SH3GL2: variants seen among roughly 807,000 people sequenced by gnomAD.
SH3GL2 encodes SH3 domain containing GRB2 like 2, endophilin A1.
Under a neutral mutation model 46.0 loss-of-function variants are expected in SH3GL2, and 24 were observed. That is an observed-to-expected ratio of 0.52 (90% CI 0.38 to 0.73). SH3GL2 has a LOEUF of 0.73. Ranked by LOEUF, SH3GL2 falls within the 30% of genes least tolerant of loss-of-function variation. The probability of loss-of-function intolerance (pLI) is 0.00; values close to 1 mark genes in which losing one functional copy is unlikely to be tolerated. For synonymous variants in SH3GL2, 196 were observed against 147.1 expected, an observed-to-expected ratio of 1.33 and a Z score of -2.40; for missense variants, 413 against 424.2, an observed-to-expected ratio of 0.97 and a Z score of 0.23.
At chr9:17,644,220 C>G (rs1819752259) in intron 1 of SH3GL2, among the ~76,000 whole-genome samples, 1 of 151,618 alleles carries the variant, frequency 6.6e-6, no homozygotes, top group African/African-American at 2.4e-5. Flanking sequence ...TTTGATTCTT[C>G]TCTCTTTTCT....
At chr9:17,694,664 T>C (rs1821160912) in intron 1 of SH3GL2, among the ~76,000 whole-genome samples, 1 of 152,170 alleles carries the variant, frequency 6.6e-6, no homozygotes. Context: ...AGGGTATGAA[T>C]GTTGGAAATG....
intron 1 of SH3GL2, among the ~76,000 whole-genome samples, chr9:17,646,675 C>T (rs1158504265): frequency 1.3e-5 from 2 of 152,102 alleles, no homozygotes; most frequent in Admixed American, 1.3e-4. Flanking sequence ...CACTCCAGGC[C>T]CTGTTTGCCT....
At chr9:17,708,252 C>A (rs2118250761) in intron 1 of SH3GL2, among the ~76,000 whole-genome samples, 1 of 152,046 alleles carries the variant, frequency 6.6e-6, no homozygotes, top group East Asian at 1.9e-4. Context: ...TCATTTTTCC[C>A]TTCATTTTTC....
intron 1 of SH3GL2, among the ~76,000 whole-genome samples, chr9:17,696,803 CCCTT>C (rs1446440391): frequency 2.0e-5 from 3 of 152,098 alleles, no homozygotes; most frequent in Non-Finnish European, 4.4e-5. Context: ...TTTGGATTAT[CCCTT>C]CCTTTTTTCG....
At chr9:17,766,329 A>G (rs903580809) in intron 3 of SH3GL2, among the ~76,000 whole-genome samples, 3 of 152,250 alleles carry the variant, frequency 2.0e-5, no homozygotes, top group Non-Finnish European at 4.4e-5. Flanking sequence ...ACCAGTACAC[A>G]TTCCTAAAAT....
intron 1 of SH3GL2, among the ~76,000 whole-genome samples, chr9:17,691,928 A>G (rs929995794): frequency 1.3e-5 from 2 of 152,134 alleles, no homozygotes; most frequent in Admixed American, 1.3e-4. Context: ...TTTTCAGCCA[A>G]CAGAAGAAAT....
intron 3 of SH3GL2, among the ~76,000 whole-genome samples, chr9:17,772,089 T>A: frequency 6.6e-6 from 1 of 152,170 alleles, no homozygotes; most frequent in East Asian, 1.9e-4. Context: ...GGGCCACGTT[T>A]CAGACTTGTA....
intron 1 of SH3GL2, among the ~76,000 whole-genome samples, chr9:17,654,194 C>CCACTGACCA (rs768079505): frequency 7.2e-4 from 109 of 152,256 alleles, no homozygotes; most frequent in Non-Finnish European, 1.1e-3. Flanking sequence ...TTTGGCTGCT[C>CCACTGACCA]CTGTTTCTCT....
chr9:17,751,524 G>T (rs926936922), intron 2 of SH3GL2, among the ~76,000 whole-genome samples: 5 of 147,974 alleles, frequency 3.4e-5, no homozygotes, highest in Admixed American at 1.3e-4. Context: ...CCTCAGCAAT[G>T]ACTGAATTCC....
At chr9:17,683,581 C>T (rs1415395817) in intron 1 of SH3GL2, among the ~76,000 whole-genome samples, 2 of 151,998 alleles carry the variant, frequency 1.3e-5, no homozygotes, top group African/African-American at 4.8e-5. Context: ...TCACTTGGAA[C>T]GTCCTACCCC....
intron 1 of SH3GL2, among the ~76,000 whole-genome samples, chr9:17,673,965 C>A (rs542607774): frequency 1.3e-5 from 2 of 152,242 alleles, no homozygotes; most frequent in African/African-American, 4.8e-5. Flanking sequence ...TTATTGAATT[C>A]ATCTTTAAGC....
At chr9:17,753,474 T>C (rs1048348306) in intron 2 of SH3GL2, among the ~76,000 whole-genome samples, 1 of 152,250 alleles carries the variant, frequency 6.6e-6, no homozygotes, top group African/African-American at 2.4e-5. Context: ...ATAAATGTCT[T>C]CTTTTGAAAA....
intron 3 of SH3GL2, among the ~76,000 whole-genome samples, 156 bp from the exon 4 acceptor site, chr9:17,786,224 GA>G (rs1404337436): frequency 1.3e-5 from 2 of 152,166 alleles, no homozygotes; most frequent in Non-Finnish European, 2.9e-5. Flanking sequence ...TGGTTGATAA[GA>G]CTGACTGACG....
intron 1 of SH3GL2, among the ~76,000 whole-genome samples, chr9:17,718,114 A>T (rs1821804819): frequency 6.6e-6 from 1 of 152,136 alleles, no homozygotes; most frequent in Non-Finnish European, 1.5e-5. Flanking sequence ...TGCTTGACTG[A>T]GTAGGACTTT....
chr9:17,638,514 T>TG lies in SH3GL2; in HGVS notation c.45+59227_45+59228insG, dbSNP rs1819599471. Among the ~76,000 whole-genome samples the TG allele has an allele frequency of 3.9e-5, 6 of 152,224 alleles. No homozygotes were observed. The South Asian group carries it at 1.2e-3, about 32-fold the overall frequency. On this transcript the variant is annotated intron_variant, in intron 1 of 8. Coordinates refer to ENST00000380607, the MANE Select transcript of SH3GL2 (RefSeq NM_003026.5). ...AACCAAATGATGAGGTGAAGACTGG[T>TG]TGGGAGTGATAGAAAATTATTTTGG...
chr9:17,738,828 C>T (rs1358406329), intron 1 of SH3GL2, among the ~76,000 whole-genome samples: 6 of 151,866 alleles, frequency 4.0e-5, no homozygotes, highest in African/African-American at 1.5e-4. Context: ...CAGCTTTGTT[C>T]TTAGGGCTTT....
intron 1 of SH3GL2, among the ~76,000 whole-genome samples, chr9:17,651,389 G>A (rs913188717): frequency 8.5e-5 from 13 of 152,114 alleles, no homozygotes; most frequent in African/African-American, 3.1e-4. Context: ...GTCCTTTAAA[G>A]TTTTGACATT....
At chr9:17,592,117 C>CTGAGGCCCCGGGGAGCTGCTGGTG (rs1818495013) in intron 1 of SH3GL2, among the ~76,000 whole-genome samples, 1 of 152,180 alleles carries the variant, frequency 6.6e-6, no homozygotes, top group African/African-American at 2.4e-5. Context: ...GTCCAAAGGC[C>CTGAGGCCCCGGGGAGCTGCTGGTG]TGAGGCCCCG....
In SH3GL2 at chr9:17,631,718, C is replaced by A. The variant is rs1819430852; in HGVS notation, c.45+52431C>A. ...AAACATCCTTTATTCTCCCCACATC[C>A]CATCATCTTCTGCAAACTTAACAAT... On this transcript the variant is annotated intron_variant, in intron 1 of 8. Transcript: ENST00000380607. Among the ~76,000 whole-genome samples the A allele has an allele frequency of 2.0e-5, 3 of 152,116 alleles. No individual in the cohort carries two copies. The South Asian group carries it at 6.2e-4, about 32-fold the overall frequency.
Sources: gnomAD v4.1 joint callset for allele counts (sites outside exome capture counted in the v4.1 genomes callset) on GRCh38, gnomAD v4.1.1 for gene constraint, MANE v1.5 for transcripts, NCBI Gene and HGNC (gene_info 2026-07-23, HGNC 2026-07-21) for gene names.